ZNF804B: variants seen among roughly 807,000 people sequenced by gnomAD.
ZNF804B encodes the protein zinc finger 804B.
Under a neutral mutation model 101.4 loss-of-function variants are expected in ZNF804B, and 80 were observed. The observed-to-expected ratio is 0.79, with a 90% CI of 0.66 to 0.95. The LOEUF (loss-of-function observed/expected upper bound fraction) is 0.95. Ranked by LOEUF, ZNF804B falls within the 40% of genes least tolerant of loss-of-function variation. ZNF804B has a pLI of 0.00. For missense variants in ZNF804B, 1,673 were observed against 1,561.9 expected (o/e 1.07, Z -1.20); for synonymous variants, 622 against 558.8 (o/e 1.11, Z -1.59).
Position 89,333,476 on chromosome 7 carries a change from C to T in ZNF804B, c.494C>T (p.Ala165Val), listed in dbSNP as rs1393658152. 3.7e-6 allele frequency: 6 copies of T among 1,613,162 alleles called. No homozygotes were observed. Among genetic ancestry groups the T allele is most frequent in the African/African-American group, 2.7e-5 (2 of 74,854 alleles). ...AGAAAGGTATCATGCATGAAGAGTG[C>T]TCTTCTCCTTAAAGGAAAAAATCTC... ...NGRKVSCMKS[A>V]LLLKGKNLPR... Residue 165 changes from alanine (A) to valine (V), a missense_variant, in exon 4 of 4, where the codon GCT becomes GTT. By Grantham distance (64) the Ala-to-Val change is moderately conservative. Transcript: ENST00000333190.
chr7:89,014,815 C>T (rs1031299174), intron 1 of ZNF804B, among the ~76,000 whole-genome samples: 1 of 151,858 alleles, frequency 6.6e-6, no homozygotes, highest in Non-Finnish European at 1.5e-5. Flanking sequence ...GCTTTCCACT[C>T]TGTTAATTGT....
chr7:88,957,164 G>A (rs189980671), intron 1 of ZNF804B, among the ~76,000 whole-genome samples: 38 of 151,426 alleles, frequency 2.5e-4, no homozygotes, highest in African/African-American at 8.0e-4. Flanking sequence ...GAAACTTCTG[G>A]CCCCTTTGGC....
intron 2 of ZNF804B, among the ~76,000 whole-genome samples, chr7:89,248,723 C>A (rs1346416428): frequency 6.6e-6 from 1 of 152,034 alleles, no homozygotes; most frequent in Admixed American, 6.6e-5. Context: ...ATAAAGCAAA[C>A]ACACAATTGA....
chr7:88,779,707 CA>C (rs1790194848), intron 1 of ZNF804B, among the ~76,000 whole-genome samples: 2 of 152,300 alleles, frequency 1.3e-5, no homozygotes, highest in African/African-American at 4.8e-5. Flanking sequence ...TTTCAAATTA[CA>C]AAGCTCAAAT....
intron 1 of ZNF804B, among the ~76,000 whole-genome samples, chr7:88,773,669 C>T (rs1020764617): frequency 2.6e-5 from 4 of 152,000 alleles, no homozygotes; most frequent in Non-Finnish European, 4.4e-5. Flanking sequence ...AATTGGCTCA[C>T]GGTTCTGCAG....
chr7:89,113,014 A>G (rs1019192903), intron 1 of ZNF804B, among the ~76,000 whole-genome samples: 12 of 152,236 alleles, frequency 7.9e-5, no homozygotes, highest in Admixed American at 5.9e-4. Flanking sequence ...CAACATACAT[A>G]TAATTTATTG....
intron 1 of ZNF804B, among the ~76,000 whole-genome samples, chr7:89,162,283 C>A (rs1791078508): frequency 6.6e-6 from 1 of 152,102 alleles, no homozygotes; most frequent in African/African-American, 2.4e-5. Context: ...ATCATGATTT[C>A]ATCTCATAAA....
chr7:89,194,456 T>G (rs1460199452), intron 1 of ZNF804B, among the ~76,000 whole-genome samples: 1 of 151,212 alleles, frequency 6.6e-6, no homozygotes, highest in Non-Finnish European at 1.5e-5. Context: ...ATCTAACATT[T>G]AAGTCTTTAA....
chr7:89,245,791 A>C (rs183729297), intron 2 of ZNF804B, among the ~76,000 whole-genome samples: 1 of 151,694 alleles, frequency 6.6e-6, no homozygotes, highest in East Asian at 1.9e-4. Context: ...GAACATGAGC[A>C]AAAAGCCCCT....
At chr7:89,194,011 A>G (rs1324701444) in intron 1 of ZNF804B, among the ~76,000 whole-genome samples, 90 of 152,166 alleles carry the variant, frequency 5.9e-4, no homozygotes, top group African/African-American at 1.8e-3. Context: ...CATTCTAACT[A>G]GTGTGAGATG....
chr7:88,896,053 G>A (rs1044012346), intron 1 of ZNF804B, among the ~76,000 whole-genome samples: 23 of 152,220 alleles, frequency 1.5e-4, no homozygotes, highest in East Asian at 9.7e-4. Context: ...GTAATTGTAC[G>A]TTGGAGAAAT....
At chr7:89,278,004 A>G (rs1200644642) in intron 2 of ZNF804B, among the ~76,000 whole-genome samples, 2 of 152,130 alleles carry the variant, frequency 1.3e-5, no homozygotes, top group Non-Finnish European at 2.9e-5. Flanking sequence ...CATCCTCTCC[A>G]GCACCTGTTG....
At chr7:89,045,339 T>G (rs951316235) in intron 1 of ZNF804B, among the ~76,000 whole-genome samples, 3 of 152,178 alleles carry the variant, frequency 2.0e-5, no homozygotes, top group African/African-American at 7.2e-5. Flanking sequence ...AGGGGAAATG[T>G]GGGGTTAGAT....
At chr7:89,142,498 C>G (rs953151259) in intron 1 of ZNF804B, among the ~76,000 whole-genome samples, 1 of 151,996 alleles carries the variant, frequency 6.6e-6, no homozygotes, top group Non-Finnish European at 1.5e-5. Context: ...ACTTCCTCCT[C>G]TTGGTATCCA....
At chr7:89,043,485 A>T (rs1789050513) in intron 1 of ZNF804B, among the ~76,000 whole-genome samples, 1 of 152,184 alleles carries the variant, frequency 6.6e-6, no homozygotes, top group African/African-American at 2.4e-5. Flanking sequence ...ATATTTTCTG[A>T]GTAGGCTATA....
chr7:89,127,591 G>A (rs1335395836), intron 1 of ZNF804B, among the ~76,000 whole-genome samples: 1 of 151,668 alleles, frequency 6.6e-6, no homozygotes, highest in Non-Finnish European at 1.5e-5. Flanking sequence ...GATCTCTAAG[G>A]AAGTAGTTAA....
At position 89,336,714 on chromosome 7, in the gene ZNF804B, T is replaced by G. The variant is rs1368875051; in HGVS notation, c.3732T>G (p.Ser1244Arg). ...ATCCTCTTTCACAGGCACATTTCAG[T>G]CCTATTTCATTTTCGACTCTGACTC... ...HLHPLSQAHF[S>R]PISFSTLTPT... is the part of the protein sequence containing the mutation. Residue 1244 changes from serine (S) to arginine (R), a missense_variant, in exon 4 of 4, where the codon AGT becomes AGG. Coordinates refer to ENST00000333190, the MANE Select transcript of ZNF804B (RefSeq NM_181646.5). 1 of 1,613,898 alleles carries G rather than the reference T, an allele frequency of 6.2e-7. No homozygotes were observed. The highest frequency in any genetic ancestry group is 1.7e-5 in the Admixed American group (1 of 59,968).
At chr7:89,086,260 C>A (rs1252341822) in intron 1 of ZNF804B, among the ~76,000 whole-genome samples, 3 of 151,832 alleles carry the variant, frequency 2.0e-5, no homozygotes, top group Admixed American at 2.0e-4. Context: ...GAAAAGTAAA[C>A]TTGTAAAAAT....
intron 1 of ZNF804B, among the ~76,000 whole-genome samples, chr7:88,928,876 A>G (rs1203786798): frequency 6.6e-6 from 1 of 152,078 alleles, no homozygotes; most frequent in African/African-American, 2.4e-5. Context: ...TTATTGACTA[A>G]TCATTACAAA....
Sources: allele counts gnomAD v4.1 joint callset (sites outside exome capture counted in the v4.1 genomes callset), GRCh38; gene constraint gnomAD v4.1.1; transcripts MANE v1.5; gene names NCBI Gene and HGNC (gene_info 2026-07-23, HGNC 2026-07-21).